Variants in SIGLEC12 observed in about 807,000 individuals in gnomAD.
SIGLEC12 encodes the protein sialic acid-binding Ig-like lectin 12.
In SIGLEC12, 43 loss-of-function variants were observed where a neutral mutation model predicts 54.1. The observed-to-expected ratio is 0.80, with a 90% CI of 0.62 to 1.03. SIGLEC12 has a LOEUF of 1.03. Among genes scored for constraint, SIGLEC12 ranks in the 50% least tolerant of loss-of-function variants. The pLI is 0.00. For missense variants in SIGLEC12, 802 were observed against 735.2 expected, an observed-to-expected ratio of 1.09 and a Z score of -1.05; for synonymous variants, 357 against 307.6, an observed-to-expected ratio of 1.16 and a Z score of -1.68.
intron 4 of SIGLEC12, among the ~76,000 whole-genome samples, chr19:51,498,966 G>A (rs1193038834): frequency 6.6e-6 from 1 of 152,232 alleles, no homozygotes; most frequent in South Asian, 2.1e-4. Context: ...TTGCTGTGGG[G>A]CCAAAATAGG....
intron 7 of SIGLEC12, 140 bp from the exon 8 acceptor site, chr19:51,491,969 C>T: frequency 1.8e-6 from 1 of 570,766 alleles, no homozygotes; most frequent in South Asian, 2.7e-5. Context: ...ATACGTTCCT[C>T]TAATGTCTAA....
intron 2 of SIGLEC12, 72 bp downstream of exon 2, chr19:51,499,848 G>A (rs1990344772): frequency 6.5e-7 from 1 of 1,548,022 alleles, no homozygotes; most frequent in Non-Finnish European, 8.7e-7. Context: ...CCCAGGATGG[G>A]GGTCCCACCT....
At position 51,491,525 on chromosome 19, in the gene SIGLEC12, A is replaced by T; in HGVS notation, c.*116T>A. ...CATTTTCAGTTTGACAAGAGGAATA[A>T]GTTCTGATGTCCTGTTGCACAGCAT... On this transcript the variant is annotated 3_prime_UTR_variant, in exon 8 of 8. Coordinates refer to ENST00000291707, the MANE Select transcript of SIGLEC12 (RefSeq NM_053003.4). 1.0e-6 allele frequency: 1 copy of T among 990,056 alleles called. No homozygotes were observed. Among genetic ancestry groups the T allele is most frequent in the Non-Finnish European group, 1.5e-6 (1 of 656,494 alleles). 61.3% of individuals were successfully genotyped at this position (990,056 alleles called of 1,614,324 possible).
chr19:51,501,010 C>T (rs940356318), intron 1 of SIGLEC12, among the ~76,000 whole-genome samples: 6 of 152,102 alleles, frequency 3.9e-5, no homozygotes, highest in African/African-American at 9.7e-5. Flanking sequence ...TGCTAAACCC[C>T]GGCCATGCCT....
Position 51,498,016 on chromosome 19 carries a change from A to C in SIGLEC12, c.1405+2T>G, listed in dbSNP as rs1206245112. 1 of 1,613,766 alleles carries C rather than the reference A, an allele frequency of 6.2e-7. No individual in the cohort carries two copies. Among genetic ancestry groups the C allele is most frequent in the South Asian group, 1.1e-5 (1 of 91,052 alleles). ...TCCTCCTCCAGACCCTCCCCTACCC[A>C]CCTGTGTACTCGTTTTGCAGGGAGA... On this transcript the variant is annotated splice_donor_variant, in intron 5 of 7. Transcript: ENST00000291707. LOFTEE classifies it high-confidence loss of function.
intron 7 of SIGLEC12, among the ~76,000 whole-genome samples, chr19:51,492,351 G>C (rs1418078207): frequency 6.6e-6 from 1 of 152,220 alleles, no homozygotes; most frequent in African/African-American, 2.4e-5. Context: ...GGTAGGAAGA[G>C]GGCAAGTGAG....
intron 7 of SIGLEC12, among the ~76,000 whole-genome samples, chr19:51,495,402 T>G (rs1241922590): frequency 7.3e-5 from 4 of 54,636 alleles, no homozygotes; most frequent in East Asian, 5.5e-4. Flanking sequence ...GATGGATGGG[T>G]GGGTGGGTGG....
In SIGLEC12 at chr19:51,501,489, G is replaced by A. The variant is rs3810110; in HGVS notation, c.245C>T (p.Ala82Val). Residue 82 changes from alanine to valine, a missense_variant, in exon 1 of 8, where the codon GCT becomes GTT. By Grantham distance (64) the Ala-to-Val change is moderately conservative (BLOSUM62 0). Transcript: ENST00000291707. ...RNIPVATNNP[A>V]RAVQEETRDR... The stretch of plus-strand genomic sequence containing the variant: ...CCGAGTCTCCTCCTGCACTGCTCGA[G>A]CTGGGTTGTTTGTGGCCACTGGAAT... 1,012,419 of 1,613,704 alleles carry A rather than the reference G, an allele frequency of 0.63. 320,764 individuals are homozygous for A. Among genetic ancestry groups the A allele is most frequent in the Admixed American group, 0.74 (44,139 of 60,004 alleles).
At position 51,491,445 on chromosome 19, in the gene SIGLEC12, G is replaced by T. The variant is rs1261179544; in HGVS notation, c.*196C>A. Reference sequence around the variant, plus strand: ...GAATGGTGGGTACCAGAGGCCGGGGGCGGGGAGTGTGGACCGATTGGATGG... The same window carrying T: ...GAATGGTGGGTACCAGAGGCCGGGGTCGGGGAGTGTGGACCGATTGGATGG... On this transcript the variant is annotated 3_prime_UTR_variant, in exon 8 of 8. Coordinates refer to ENST00000291707, the MANE Select transcript of SIGLEC12 (RefSeq NM_053003.4). 3.5e-6 allele frequency: 2 copies of T among 571,156 alleles called. No individual in the cohort carries two copies. The highest frequency in any genetic ancestry group is 6.2e-6 in the Non-Finnish European group (2 of 323,290). The allele number at this position is 571,156 out of a possible 1,614,324, so 35.4% of individuals were successfully genotyped here.
chr19:51,492,402 T>G (rs1444891905), intron 7 of SIGLEC12, among the ~76,000 whole-genome samples: 1 of 152,216 alleles, frequency 6.6e-6, no homozygotes, highest in African/African-American at 2.4e-5. Context: ...GCACCTGCCC[T>G]TGAGAAGCTC....
In SIGLEC12 at chr19:51,495,365, G is replaced by GTGGATGGA. The variant is rs1320189994; in HGVS notation, c.1599+1507_1599+1514dup. On this transcript the variant is annotated intron_variant, in intron 7 of 7. Transcript: ENST00000291707. ...GATGGATGGATGGACAGACGGGTGG[G>GTGGATGGA]TGGATGGATGGATGGATGGATGGAT... Among the ~76,000 whole-genome samples the GTGGATGGA allele has an allele frequency of 6.6e-5, 4 of 60,160 alleles. 1 individual carries two copies. Among genetic ancestry groups the GTGGATGGA allele is most frequent in the Admixed American group, 1.9e-4 (1 of 5,334 alleles). 39.5% of individuals were successfully genotyped at this position (60,160 alleles called of 152,430 possible).
At position 51,501,469 on chromosome 19, in the gene SIGLEC12, T is replaced by A; in HGVS notation, c.265A>T (p.Thr89Ser). The A allele has an allele frequency of 6.2e-7, 1 of 1,613,920 alleles. No individual in the cohort carries two copies. The highest frequency in any genetic ancestry group is 1.3e-5 in the African/African-American group (1 of 74,914). ...NNPARAVQEE[T>S]RDRFHLLGDP... ...CCAAGGAGGTGGAATCGGTCCCGAG[T>A]CTCCTCCTGCACTGCTCGAGCTGGG... Residue 89 changes from threonine to serine, a missense_variant, in exon 1 of 8, where the codon ACT (threonine) becomes TCT (serine). By Grantham distance (58) the Thr-to-Ser change is moderately conservative. Transcript: ENST00000291707.
At chr19:51,492,292 A>G (rs111939971) in intron 7 of SIGLEC12, among the ~76,000 whole-genome samples, 118 of 152,304 alleles carry the variant, frequency 7.7e-4, no homozygotes, top group African/African-American at 2.8e-3. Flanking sequence ...AGGTGGCAAT[A>G]AATGACTGCC....
intron 7 of SIGLEC12, among the ~76,000 whole-genome samples, chr19:51,495,679 A>T (rs1248412270): frequency 1.3e-5 from 2 of 152,210 alleles, no homozygotes; most frequent in East Asian, 3.8e-4. Context: ...CCCTCTGTAT[A>T]GAATTAAACT....
intron 7 of SIGLEC12, among the ~76,000 whole-genome samples, chr19:51,492,288 C>T (rs1316668952): frequency 6.6e-6 from 1 of 152,020 alleles, no homozygotes; most frequent in Non-Finnish European, 1.5e-5. Context: ...AAGGAGGTGG[C>T]AATAAATGAC....
chr19:51,497,546 G>A (rs934181108), intron 5 of SIGLEC12, 101 bp from the exon 6 acceptor site: 24 of 779,866 alleles, frequency 3.1e-5, no homozygotes, highest in African/African-American at 1.7e-4. Flanking sequence ...CCCCAGTCCC[G>A]CTTCCCGGAC....
At chr19:51,497,562 G>A (rs1990275871) in intron 5 of SIGLEC12, 117 bp from the exon 6 acceptor site, 4 of 684,198 alleles carry the variant, frequency 5.8e-6, no homozygotes, top group Non-Finnish European at 1.0e-5. Context: ...CGGACAGAAA[G>A]AACAAGGACG....
chr19:51,498,287 G>A lies in SIGLEC12; in HGVS notation c.1136C>T (p.Ala379Val). The A allele has an allele frequency of 6.2e-7, 1 of 1,600,080 alleles. No homozygotes were observed. The highest frequency in any genetic ancestry group is 2.2e-5 in the East Asian group (1 of 44,648). ...CGAGCCATTCCTCAAGGTTGTGGAT[G>A]CTGTAGAGAAAGAGACAGAAGGGCA... is the stretch of plus-strand genomic sequence containing the variant. ...TMTVFQGDGT[A>V]STTLRNGSAL... The change falls in exon 5 of 8, where the codon GCA becomes GTA. Residue 379 changes from alanine (A) to valine (V), a missense_variant and splice_region_variant. Transcript: ENST00000291707.
rs752317536 is a variant in SIGLEC12 at position 51,491,649 on chromosome 19, G to A, written c.1780C>T (p.Pro594Ser). The A allele has an allele frequency of 1.2e-6, 2 of 1,614,044 alleles. No individual in the cohort carries two copies. The highest frequency in any genetic ancestry group is 8.5e-7 in the Non-Finnish European group (1 of 1,179,998). ...IGYEYSEINI[P>S]K The stretch of plus-strand genomic sequence containing the variant: ...TGAGTCTCTGCAGTTTCTCACTTGG[G>A]GATGTTGATCTCGGAGTACTCATAG... The change falls in exon 8 of 8, where the codon CCC (proline) becomes TCC (serine). Residue 594 changes from proline to serine, a missense_variant. By Grantham distance (74) the Pro-to-Ser change is moderately conservative. Transcript: ENST00000291707.
Sources: allele counts gnomAD v4.1 joint callset (sites outside exome capture counted in the v4.1 genomes callset), GRCh38; gene constraint gnomAD v4.1.1; transcripts MANE v1.5; gene names NCBI Gene and HGNC (gene_info 2026-07-23, HGNC 2026-07-21).